Variants in GNG7 observed in about 807,000 individuals in gnomAD.
GNG7 encodes guanine nucleotide-binding protein G(I)/G(S)/G(O) subunit gamma-7.
In GNG7, 1 loss-of-function variant was observed where a neutral mutation model predicts 4.0. The ratio of observed to expected loss-of-function variants is 0.25; its 90% CI spans 0.09 to 1.18. GNG7 has a LOEUF of 1.18. Among genes scored for constraint, GNG7 ranks in the 50% most tolerant of loss-of-function variants. GNG7 has a pLI of 0.50. For missense variants in GNG7, 86 were observed against 91.9 expected, an observed-to-expected ratio of 0.94 and a Z score of 0.26; for synonymous variants, 34 against 36.9, an observed-to-expected ratio of 0.92 and a Z score of 0.29.
chr19:2,614,888 C>T lies in GNG7; in HGVS notation c.-78+31336G>A, dbSNP rs1187337785. The stretch of plus-strand genomic sequence containing the variant: ...CTGGTTTCCAAGGCGGCTGCCCCAT[C>T]TTGCATCACACATCAATTCTCAATG... On this transcript the variant is annotated intron_variant, in intron 2 of 4. Transcript: ENST00000382159. The surrounding 1 kb of genome is among the most constrained non-coding windows in gnomAD (Gnocchi z 6.0). 6.6e-6 allele frequency among the ~76,000 whole-genome samples: 1 copy of T among 152,240 alleles called. No homozygotes were observed. Among genetic ancestry groups the T allele is most frequent in the Non-Finnish European group, 1.5e-5 (1 of 68,036 alleles).
At chr19:2,622,596 T>A (rs1981909655) in intron 2 of GNG7, among the ~76,000 whole-genome samples, 1 of 145,004 alleles carries the variant, frequency 6.9e-6, no homozygotes, top group East Asian at 2.0e-4. Context: ...AGAGGGGGGC[T>A]TCCGGGAAGG....
chr19:2,684,692 G>A (rs967294843), intron 1 of GNG7, among the ~76,000 whole-genome samples: 2 of 152,050 alleles, frequency 1.3e-5, no homozygotes, highest in Non-Finnish European at 2.9e-5. Context: ...TCACAGAGAC[G>A]GAAAGTAGGA....
At chr19:2,539,298 T>C (rs1284472914) in intron 3 of GNG7, among the ~76,000 whole-genome samples, 2 of 148,156 alleles carry the variant, frequency 1.3e-5, no homozygotes, top group Non-Finnish European at 3.0e-5. Context: ...GAAATAAACA[T>C]ATATACCAAC....
At chr19:2,593,612 C>T (rs1453312301) in intron 2 of GNG7, among the ~76,000 whole-genome samples, 5 of 151,806 alleles carry the variant, frequency 3.3e-5, no homozygotes, top group Admixed American at 6.6e-5. Context: ...GGCATGGGGG[C>T]GGCTGCCTGT....
chr19:2,611,673 CA>C lies in GNG7; in HGVS notation c.-78+34550del, dbSNP rs111339830. 1 of 151,812 alleles carries C rather than the reference CA, an allele frequency of 6.6e-6. No homozygotes were observed. The highest frequency in any genetic ancestry group is 2.4e-5 in the African/African-American group (1 of 41,338). The allele number at this position is 151,812 out of a possible 1,614,324, so 9.4% of individuals were successfully genotyped here. On this transcript the variant is annotated intron_variant, in intron 2 of 4. Transcript: ENST00000382159. The surrounding 1 kb of genome is among the most constrained non-coding windows in gnomAD (Gnocchi z 6.0). ...CCAAGAGAGCAACACCAGGTCTCTA[CA>C]AAAAATTAAAAATTAGCCGGGCATG...
intron 1 of GNG7, among the ~76,000 whole-genome samples, chr19:2,672,277 T>C (rs1295829827): frequency 1.3e-5 from 2 of 152,012 alleles, no homozygotes. Flanking sequence ...TGCCTCAGCC[T>C]CCCAAAGCAC....
chr19:2,588,181 C>G (rs1257823455), intron 2 of GNG7, among the ~76,000 whole-genome samples: 1 of 152,120 alleles, frequency 6.6e-6, no homozygotes, highest in Non-Finnish European at 1.5e-5. Context: ...TGCTTAGAAA[C>G]CTAGCAAGTC....
At chr19:2,535,300 G>A (rs1333680172) in intron 3 of GNG7, among the ~76,000 whole-genome samples, 1 of 142,552 alleles carries the variant, frequency 7.0e-6, no homozygotes, top group East Asian at 2.0e-4. Flanking sequence ...ACCAGCCTGG[G>A]CAACATGGCA....
In GNG7 at chr19:2,633,045, C is replaced by T. The variant is rs558708030; in HGVS notation, c.-78+13179G>A. Among the ~76,000 whole-genome samples, 47 of 152,336 alleles carry T rather than the reference C, an allele frequency of 3.1e-4. No homozygotes were observed. Among genetic ancestry groups the T allele is most frequent in the African/African-American group, 1.1e-3 (45 of 41,576 alleles). ...CCACCTTGGGCCTCCCCAGGCTGCA[C>T]CTTAACCATCTATGACACGCATCCC... is the stretch of plus-strand genomic sequence containing the variant. On this transcript the variant is annotated intron_variant, in intron 2 of 4. Transcript: ENST00000382159. The surrounding 1 kb of genome is among the most constrained non-coding windows in gnomAD (Gnocchi z 5.9).
At chr19:2,655,882 C>T (rs984282093) in intron 1 of GNG7, among the ~76,000 whole-genome samples, 2 of 140,260 alleles carry the variant, frequency 1.4e-5, no homozygotes, top group Non-Finnish European at 3.0e-5. Flanking sequence ...ATAAATTAGC[C>T]AGGCGTGGTG....
At chr19:2,568,727 GACAC>G (rs200318954) in intron 2 of GNG7, among the ~76,000 whole-genome samples, 1 of 148,708 alleles carries the variant, frequency 6.7e-6, no homozygotes, top group Non-Finnish European at 1.5e-5. Flanking sequence ...TACACATACA[GACAC>G]ATATACATAC....
At chr19:2,684,262 G>A (rs181238770) in intron 1 of GNG7, among the ~76,000 whole-genome samples, 7 of 151,576 alleles carry the variant, frequency 4.6e-5, no homozygotes, top group Non-Finnish European at 1.0e-4. Context: ...TCAGCCTCGC[G>A]AGTAGCTGGG....
chr19:2,632,523 A>C (rs1301141876), intron 2 of GNG7: 1 of 151,892 alleles, frequency 6.6e-6, no homozygotes, highest in African/African-American at 2.4e-5. Context: ...CACACAGAAA[A>C]CAGACTGGGA....
chr19:2,605,474 C>T (rs1309923938), intron 2 of GNG7, among the ~76,000 whole-genome samples: 2 of 148,058 alleles, frequency 1.4e-5, no homozygotes, highest in African/African-American at 2.5e-5. Context: ...GCTGGGATTA[C>T]AGGTGTGAGC....
At chr19:2,651,243 CCTTTCCTTCCTTCCTTCCTTCCTTCCT>C (rs1982805142) in intron 1 of GNG7, among the ~76,000 whole-genome samples, 1 of 90,866 alleles carries the variant, frequency 1.1e-5, no homozygotes, top group East Asian at 7.0e-4. Context: ...TTCCTTCCTT[CCTTTCCTTCCTTCCTTCCTTCCTTCCT>C]TCCCTCCCTC....
intron 3 of GNG7, among the ~76,000 whole-genome samples, chr19:2,554,026 A>G (rs1382446437): frequency 7.0e-6 from 1 of 142,064 alleles, no homozygotes; most frequent in Non-Finnish European, 1.5e-5. Flanking sequence ...GTATATATGT[A>G]TACACAGTGG....
At chr19:2,610,141 CTTTA>C (rs1474862032) in intron 2 of GNG7, 3 of 150,598 alleles carry the variant, frequency 2.0e-5, no homozygotes, top group Middle Eastern at 3.4e-3. Flanking sequence ...CAAAGACCTT[CTTTA>C]TTTATTATTA....
At chr19:2,635,424 G>A (rs1217227912) in intron 2 of GNG7, among the ~76,000 whole-genome samples, 2 of 152,174 alleles carry the variant, frequency 1.3e-5, no homozygotes, top group Non-Finnish European at 2.9e-5. Flanking sequence ...ACTCCCAATG[G>A]AGCAGACGGT....
intron 1 of GNG7, among the ~76,000 whole-genome samples, chr19:2,681,848 T>C (rs1052493836): frequency 9.9e-5 from 15 of 152,006 alleles, no homozygotes; most frequent in African/African-American, 3.4e-4. Flanking sequence ...CACCATGGCT[T>C]TGATTTGCAT....
Sources: gnomAD v4.1 joint callset for allele counts (sites outside exome capture counted in the v4.1 genomes callset) on GRCh38, gnomAD v4.1.1 for gene constraint, Gnocchi (gnomAD v3.1) non-coding constraint, MANE v1.5 for transcripts, NCBI Gene and HGNC (gene_info 2026-07-23, HGNC 2026-07-21) for gene names.